The following DIP2A variants were observed in gnomAD, a reference collection of about 807,000 sequenced individuals.
The protein encoded by DIP2A is disco-interacting protein 2 homolog A.
A neutral mutation model predicts 177.4 loss-of-function variants in DIP2A; 85 were observed. The ratio of observed to expected loss-of-function variants is 0.48; its 90% CI spans 0.40 to 0.57. DIP2A has a LOEUF of 0.57. Ranked by LOEUF, DIP2A falls within the 20% of genes least tolerant of loss-of-function variation. The pLI, the probability that DIP2A is intolerant of heterozygous loss-of-function variation, is 0.00. For synonymous variants in DIP2A, 886 were observed against 881.8 expected, an observed-to-expected ratio of 1.00 and a Z score of -0.08; for missense variants, 1,791 against 2,100.2, an observed-to-expected ratio of 0.85 and a Z score of 2.88.
intron 31 of DIP2A, among the ~76,000 whole-genome samples, chr21:46,558,012 C>T (rs1484417897): frequency 1.3e-5 from 2 of 152,166 alleles, no homozygotes; most frequent in East Asian, 1.9e-4. Flanking sequence ...AGTCTGGCCG[C>T]GTGGGAGGGC....
At chr21:46,509,030 AAAAAC>A (rs1354223850) in intron 6 of DIP2A, among the ~76,000 whole-genome samples, 1 of 151,610 alleles carries the variant, frequency 6.6e-6, no homozygotes, top group Non-Finnish European at 1.5e-5. Flanking sequence ...GCAAAAAAAC[AAAAAC>A]AAAAAAAAAC....
At chr21:46,544,734 T>C (rs2148832634) in intron 18 of DIP2A, among the ~76,000 whole-genome samples, 1 of 152,264 alleles carries the variant, frequency 6.6e-6, no homozygotes, top group East Asian at 1.9e-4. Flanking sequence ...TCTGTCAGGC[T>C]CTGGAGCAGG....
At position 46,495,997 on chromosome 21, in the gene DIP2A, G is replaced by A. The variant is rs573620907; in HGVS notation, c.284-991G>A. Among the ~76,000 whole-genome samples the A allele has an allele frequency of 5.9e-5, 9 of 151,284 alleles. No individual in the cohort carries two copies. In the South Asian group the frequency reaches 1.1e-3, roughly 18 times the overall value. On this transcript the variant is annotated intron_variant, in intron 3 of 37. Coordinates refer to ENST00000417564, the MANE Select transcript of DIP2A (RefSeq NM_015151.4). Reference sequence around the variant, plus strand: ...TGAGGCAGGAGAATTGTCTGAACCCGGGAGGCGGAGATTGCAGTGAGCTGA... The same window carrying A: ...TGAGGCAGGAGAATTGTCTGAACCCAGGAGGCGGAGATTGCAGTGAGCTGA...
At chr21:46,496,942 A>G in intron 3 of DIP2A, 46 bp from the exon 4 acceptor site, 1 of 1,539,990 alleles carries the variant, frequency 6.5e-7, no homozygotes, top group Non-Finnish European at 8.7e-7. Flanking sequence ...GTTACTTTAT[A>G]AACAGTCTTG....
Position 46,534,648 on chromosome 21 carries a change from C to G in DIP2A, c.1603C>G (p.Gln535Glu). ...AGTGTCCCACGCATCCCTGCTGGCA[C>G]AGTGCCGGGCTCTGACCCAGGCGTG... Reference protein sequence around the residue: ...VTVSHASLLAQCRALTQACGY... With the variant: ...VTVSHASLLAECRALTQACGY... Residue 535 changes from glutamine (Q) to glutamate (E), a missense_variant, in exon 13 of 38, where the codon CAG becomes GAG. Physicochemically the swap from Gln to Glu is conservative, Grantham distance 29. Coordinates refer to ENST00000417564, the MANE Select transcript of DIP2A (RefSeq NM_015151.4). 1 of 1,612,224 alleles carries G rather than the reference C, an allele frequency of 6.2e-7. No individual in the cohort carries two copies. The highest frequency in any genetic ancestry group is 8.5e-7 in the Non-Finnish European group (1 of 1,179,862).
At chr21:46,497,872 AATT>A (rs1379720059) in intron 4 of DIP2A, among the ~76,000 whole-genome samples, 2 of 152,244 alleles carry the variant, frequency 1.3e-5, no homozygotes, top group African/African-American at 4.8e-5. Context: ...ATGGCTGTCA[AATT>A]ATTGTTTTTG....
At chr21:46,579,084 T>C in the DIP2A span, among the ~76,000 whole-genome samples, 19 of 152,302 alleles carry the variant, frequency 1.2e-4, no homozygotes, top group African/African-American at 4.6e-4. Context: ...ATCCTTCTGG[T>C]CCTGGGTTTT....
In DIP2A at chr21:46,472,996, C is replaced by T. The variant is rs183416306; in HGVS notation, c.92-11761C>T. Among the ~76,000 whole-genome samples, 373 of 152,274 alleles carry T rather than the reference C, an allele frequency of 2.4e-3. 1 individual carries two copies. Among genetic ancestry groups the T allele is most frequent in the Non-Finnish European group, 3.4e-3 (233 of 68,016 alleles). ...TAGTGGGACGAGGGAACTGATTGTT[C>T]AATTTAATTTACTTTTAATTAATTA... On this transcript the variant is annotated intron_variant, in intron 1 of 37. Coordinates refer to ENST00000417564, the MANE Select transcript of DIP2A (RefSeq NM_015151.4).
chr21:46,567,519 G>C lies in DIP2A; in HGVS notation c.4613G>C (p.Gly1538Ala). 6.2e-7 allele frequency: 1 copy of C among 1,613,906 alleles called. No individual in the cohort carries two copies. The highest frequency in any genetic ancestry group is 8.5e-7 in the Non-Finnish European group (1 of 1,179,876). Residue 1538 changes from glycine (G) to alanine (A), a missense_variant, in exon 38 of 38, where the codon GGG becomes GCG. Physicochemically the swap from Gly to Ala is moderately conservative, Grantham distance 60. Coordinates refer to ENST00000417564, the MANE Select transcript of DIP2A (RefSeq NM_015151.4). ...GGAGTGGTGGTCATCGTGGACCCAGGGGTGATCCCTATCAACTCTCGGGGT... is the reference window on the plus strand; with the variant it reads ...GGAGTGGTGGTCATCGTGGACCCAGCGGTGATCCCTATCAACTCTCGGGGT... ...VVGVVVIVDP[G>A]VIPINSRGEK...
In DIP2A at chr21:46,458,981, T is replaced by G. The variant is rs1341556822; in HGVS notation, c.-151T>G. 3 of 571,416 alleles carry G rather than the reference T, an allele frequency of 5.3e-6. No homozygotes were observed. In the South Asian group the frequency reaches 1.1e-4, roughly 20 times the overall value. 35.4% of individuals were successfully genotyped at this position (571,416 alleles called of 1,614,324 possible). A position where few individuals can be genotyped will look rare whatever the true frequency, so the allele number is the denominator to read the frequency against. Reference sequence around the variant, plus strand: ...TCGTGCCCGCGCGGGTGCGTTGCTGTCCTGGCCGCGCCCCTGTCCCGCCGC... The same window carrying G: ...TCGTGCCCGCGCGGGTGCGTTGCTGGCCTGGCCGCGCCCCTGTCCCGCCGC... On this transcript the variant is annotated 5_prime_UTR_variant, in exon 1 of 38. Transcript: ENST00000417564.
intron 12 of DIP2A, among the ~76,000 whole-genome samples, chr21:46,534,319 C>A (rs1046791435): frequency 1.3e-5 from 2 of 152,186 alleles, no homozygotes; most frequent in African/African-American, 4.8e-5. Flanking sequence ...TCTCTCCTAA[C>A]TGGCTCCCTG....
In DIP2A at chr21:46,479,632, C is replaced by G. The variant is rs1347380036; in HGVS notation, c.92-5125C>G. The stretch of plus-strand genomic sequence containing the variant: ...CCTCGAACTCCTGGGCTCAAGCAAT[C>G]TTCTCACCTCAGCCTCCCTAGTAGC... On this transcript the variant is annotated intron_variant, in intron 1 of 37. Transcript: ENST00000417564. 7.2e-5 allele frequency among the ~76,000 whole-genome samples: 11 copies of G among 152,298 alleles called. No homozygotes were observed. In the East Asian group the frequency reaches 2.1e-3, roughly 29 times the overall value.
intron 6 of DIP2A, among the ~76,000 whole-genome samples, chr21:46,508,716 C>T (rs2058148661): frequency 6.6e-6 from 1 of 151,830 alleles, no homozygotes; most frequent in Non-Finnish European, 1.5e-5. Context: ...CCCAGGGGTC[C>T]CTGGACCATT....
chr21:46,470,598 G>A (rs565567001), intron 1 of DIP2A, among the ~76,000 whole-genome samples: 4 of 151,942 alleles, frequency 2.6e-5, no homozygotes, highest in Admixed American at 1.3e-4. Context: ...TGGTGAAACC[G>A]TGTTTCTACT....
intron 25 of DIP2A, chr21:46,552,889 C>T (rs1449526980): frequency 2.0e-5 from 3 of 152,168 alleles, no homozygotes; most frequent in African/African-American, 7.2e-5. Flanking sequence ...GTAAAATCAG[C>T]TTATGGTGTG....
Position 46,545,960 on chromosome 21 carries a change from C to T in DIP2A, c.2393C>T (p.Pro798Leu), listed in dbSNP as rs144400668. Residue 798 changes from proline to leucine, a missense_variant and splice_region_variant, in exon 20 of 38, where the codon CCT becomes CTT. Coordinates refer to ENST00000417564, the MANE Select transcript of DIP2A (RefSeq NM_015151.4). ...TRTGLLGFIGPDNLVFIVGKL... is the reference protein window; with the variant it reads ...TRTGLLGFIGLDNLVFIVGKL... ...ACAGGCCTGCTGGGCTTCATCGGGC[C>T]TGTGAGTATGTCCTCCTGTACCAGC... 16,831 of 1,613,996 alleles carry T rather than the reference C, an allele frequency of 0.01. 123 individuals are homozygous for T. The highest frequency in any genetic ancestry group is 0.013 in the Non-Finnish European group (15,468 of 1,179,896).
intron 1 of DIP2A, among the ~76,000 whole-genome samples, chr21:46,476,256 A>T (rs887574106): frequency 6.7e-6 from 1 of 148,366 alleles, no homozygotes; most frequent in African/African-American, 2.5e-5. Flanking sequence ...AAAAAAAAAA[A>T]TTATGATGAT....
At chr21:46,467,999 C>T (rs1040852787) in intron 1 of DIP2A, among the ~76,000 whole-genome samples, 9 of 151,954 alleles carry the variant, frequency 5.9e-5, no homozygotes, top group Non-Finnish European at 1.2e-4. Context: ...TGCAGTGGCT[C>T]ATGCCTGTAA....
chr21:46,532,101 A>G, intron 9 of DIP2A, 26 bp from the exon 10 acceptor site: 3 of 1,584,042 alleles, frequency 1.9e-6, no homozygotes, highest in Non-Finnish European at 1.7e-6. Context: ...GAAATTTGGA[A>G]TATTCATTTC....
Sources: gnomAD v4.1 joint callset for allele counts (sites outside exome capture counted in the v4.1 genomes callset) on GRCh38, gnomAD v4.1.1 for gene constraint, MANE v1.5 for transcripts, NCBI Gene and HGNC (gene_info 2026-07-23, HGNC 2026-07-21) for gene names.